The following TEX14 variants were observed in gnomAD, a reference collection of about 807,000 sequenced individuals.
The protein encoded by TEX14 is testis expressed 14, intercellular bridge forming factor.
A neutral mutation model predicts 178.6 loss-of-function variants in TEX14; 168 were observed. The ratio of observed to expected loss-of-function variants is 0.94; its 90% CI spans 0.83 to 1.07. The LOEUF is 1.07. Among genes scored for constraint, TEX14 ranks in the 50% least tolerant of loss-of-function variants. The probability of loss-of-function intolerance (pLI) is 0.00; values close to 1 mark genes in which losing one functional copy is unlikely to be tolerated. For missense variants in TEX14, 1,730 were observed against 1,753.6 expected, an observed-to-expected ratio of 0.99 and a Z score of 0.24; for synonymous variants, 626 against 634.1, an observed-to-expected ratio of 0.99 and a Z score of 0.19.
intron 15 of TEX14, among the ~76,000 whole-genome samples, chr17:58,589,127 G>A (rs1006613573): frequency 6.6e-6 from 1 of 152,096 alleles, no homozygotes; most frequent in Non-Finnish European, 1.5e-5. Context: ...GCTGGGCATG[G>A]TGGTGCATGC....
At chr17:58,588,246 G>A (rs537796856) in intron 15 of TEX14, among the ~76,000 whole-genome samples, 145 of 152,268 alleles carry the variant, frequency 9.5e-4, no homozygotes, top group African/African-American at 3.2e-3. Context: ...GCTCCTGCCC[G>A]TCCATCAGAA....
chr17:58,630,314 C>A (rs2046257493), intron 3 of TEX14, 126 bp downstream of exon 3: 1 of 651,434 alleles, frequency 1.5e-6, no homozygotes, highest in Non-Finnish European at 2.7e-6. Flanking sequence ...CCTTGGCCTC[C>A]CAAAGTGCTG....
chr17:58,681,161 G>A (rs572437472), intron 1 of TEX14, among the ~76,000 whole-genome samples: 10 of 152,212 alleles, frequency 6.6e-5, no homozygotes, highest in Middle Eastern at 3.4e-3. Context: ...CTGGGTACTC[G>A]GGAGGCTGAG....
chr17:58,674,912 AG>A (rs926892105), intron 1 of TEX14, among the ~76,000 whole-genome samples: 1 of 151,132 alleles, frequency 6.6e-6, no homozygotes, highest in Non-Finnish European at 1.5e-5. Flanking sequence ...TGGGAGGCTG[AG>A]GGGGGGTGCA....
At chr17:58,597,999 T>C (rs2045330179) in intron 14 of TEX14, among the ~76,000 whole-genome samples, 1 of 152,066 alleles carries the variant, frequency 6.6e-6, no homozygotes, top group African/African-American at 2.4e-5. Context: ...GGGCAGAGTT[T>C]GTGGCTTATT....
chr17:58,586,120 TAAACACTGG>T (rs747720844), intron 17 of TEX14, 38 bp from the exon 18 acceptor site: 90 of 1,571,484 alleles, frequency 5.7e-5, no homozygotes, highest in Non-Finnish European at 7.5e-5. Flanking sequence ...AACATCACTG[TAAACACTGG>T]AAACACAGGC....
chr17:58,590,209 C>T (rs937695026), intron 15 of TEX14, among the ~76,000 whole-genome samples: 1 of 144,870 alleles, frequency 6.9e-6, no homozygotes, highest in Non-Finnish European at 1.5e-5. Context: ...TGCAGTGAGC[C>T]GAGTTTGCGC....
At chr17:58,636,904 C>T (rs1276642652) in intron 2 of TEX14, among the ~76,000 whole-genome samples, 1 of 151,210 alleles carries the variant, frequency 6.6e-6, no homozygotes, top group African/African-American at 2.4e-5. Flanking sequence ...CAGAGTGAGA[C>T]TCTGTCTCAA....
chr17:58,646,975 G>A (rs1233267636), intron 2 of TEX14, among the ~76,000 whole-genome samples: 3 of 150,830 alleles, frequency 2.0e-5, no homozygotes, highest in Non-Finnish European at 2.9e-5. Flanking sequence ...GCACCATCTC[G>A]GCTCACTGCA....
At chr17:58,641,735 G>T (rs959036892) in intron 2 of TEX14, among the ~76,000 whole-genome samples, 1 of 152,076 alleles carries the variant, frequency 6.6e-6, no homozygotes, top group Non-Finnish European at 1.5e-5. Flanking sequence ...TCTATCTCCT[G>T]ACCTTGTGAT....
intron 1 of TEX14, chr17:58,660,521 G>A: frequency 1.4e-6 from 1 of 727,076 alleles, no homozygotes; most frequent in Non-Finnish European, 2.5e-6. Context: ...AAGGCTGCAT[G>A]GTTTTCCTTG....
At chr17:58,663,348 G>A (rs1457928238) in intron 1 of TEX14, among the ~76,000 whole-genome samples, 2 of 150,014 alleles carry the variant, frequency 1.3e-5, no homozygotes, top group Admixed American at 6.6e-5. Context: ...CTTGAACGTG[G>A]GAGGCGGAGG....
intron 4 of TEX14, among the ~76,000 whole-genome samples, chr17:58,622,638 T>C (rs2046025814): frequency 6.6e-6 from 1 of 152,168 alleles, no homozygotes; most frequent in African/African-American, 2.4e-5. Flanking sequence ...AAAATTACAG[T>C]TGTTTGCCTT....
intron 10 of TEX14, among the ~76,000 whole-genome samples, chr17:58,606,125 T>C (rs2045601245): frequency 6.6e-6 from 1 of 152,218 alleles, no homozygotes; most frequent in Admixed American, 6.5e-5. Context: ...TTCACTCATA[T>C]GCTTAAATAA....
intron 18 of TEX14, 120 bp downstream of exon 18, chr17:58,585,681 C>T (rs1004033992): frequency 7.1e-5 from 43 of 606,692 alleles, no homozygotes; most frequent in South Asian, 1.5e-4. Context: ...GTCCCAAATT[C>T]CTGGGCTCAG....
chr17:58,619,541 C>G (rs1177856535), intron 5 of TEX14, among the ~76,000 whole-genome samples: 2 of 152,154 alleles, frequency 1.3e-5, no homozygotes, highest in African/African-American at 4.8e-5. Flanking sequence ...GGCACGGTGG[C>G]TCACGCCTGT....
At chr17:58,602,705 T>C (rs1462886602) in intron 11 of TEX14, 115 bp from the exon 12 acceptor site, 1 of 732,230 alleles carries the variant, frequency 1.4e-6, no homozygotes, top group East Asian at 2.7e-5. Flanking sequence ...CTTCTTTATT[T>C]TTTTTTCTAA....
Position 58,601,889 on chromosome 17 carries a change from G to C in TEX14, c.1595C>G (p.Pro532Arg). The change falls in exon 13 of 32, where the codon CCC becomes CGC. Residue 532 changes from proline (P) to arginine (R), a missense_variant. Physicochemically the swap from Pro to Arg is moderately radical, Grantham distance 103. Coordinates refer to ENST00000349033, the MANE Select transcript of TEX14 (RefSeq NM_031272.5). ...CAGTCCTAGATAGACATTGACATCG[G>C]GATGGAGTCCGTATCTCTGCACTCT... ...SPRVQRYGLHPDVNVYLGLTS... is the reference protein window; with the variant it reads ...SPRVQRYGLHRDVNVYLGLTS... 1 of 1,613,362 alleles carries C rather than the reference G, an allele frequency of 6.2e-7. No homozygotes were observed. The highest frequency in any genetic ancestry group is 8.5e-7 in the Non-Finnish European group (1 of 1,179,972).
At chr17:58,559,965 C>T (rs2044240125) in intron 29 of TEX14, among the ~76,000 whole-genome samples, 1 of 152,150 alleles carries the variant, frequency 6.6e-6, no homozygotes, top group Admixed American at 6.5e-5. Context: ...CCTTTCAAAA[C>T]CATCATTTAT....
Sources: allele counts gnomAD v4.1 joint callset (sites outside exome capture counted in the v4.1 genomes callset), GRCh38; gene constraint gnomAD v4.1.1; transcripts MANE v1.5; gene names NCBI Gene and HGNC (gene_info 2026-07-23, HGNC 2026-07-21).